Variants in MEGF11 observed in about 807,000 individuals in gnomAD.
MEGF11 encodes multiple epidermal growth factor-like domains protein 11.
A neutral mutation model predicts 146.6 loss-of-function variants in MEGF11; 126 were observed. That is an observed-to-expected ratio of 0.86 (90% confidence interval 0.74 to 1.00). The LOEUF (loss-of-function observed/expected upper bound fraction) is 1.00. Ranked by LOEUF, MEGF11 falls within the 50% of genes least tolerant of loss-of-function variation. The pLI, the probability that MEGF11 is intolerant of heterozygous loss-of-function variation, is 0.00. For synonymous variants in MEGF11, 532 were observed against 583.4 expected (o/e 0.91, Z 1.27); for missense variants, 1,509 against 1,521.2 (o/e 0.99, Z 0.13).
chr15:66,067,861 C>A (rs1013500076), intron 5 of MEGF11, among the ~76,000 whole-genome samples: 1 of 152,176 alleles, frequency 6.6e-6, no homozygotes, highest in Non-Finnish European at 1.5e-5. Flanking sequence ...GACAGCAGGG[C>A]TAAGCATTCC....
At chr15:66,215,723 T>G (rs1348624604) in intron 1 of MEGF11, among the ~76,000 whole-genome samples, 1 of 152,058 alleles carries the variant, frequency 6.6e-6, no homozygotes, top group Non-Finnish European at 1.5e-5. Flanking sequence ...GGATAAACAG[T>G]TCAGTGAATG....
Position 65,913,989 on chromosome 15 carries a change from G to GGGCC in MEGF11, c.2474-20_2474-17dup. The GGGCC allele has an allele frequency of 1.2e-6, 2 of 1,608,552 alleles. No homozygotes were observed. The highest frequency in any genetic ancestry group is 1.7e-4 in the Middle Eastern group (1 of 5,974). On this transcript the variant is annotated splice_polypyrimidine_tract_variant and intron_variant, in intron 19 of 25. Coordinates refer to ENST00000395614, the MANE Select transcript of MEGF11 (RefSeq NM_001385028.1). ...ATGAGGGCAGCTGCGGGCAGAGGGA[G>GGGCC]GGCCTGAGCCTGGGGCTGGCCTTCT... is the stretch of plus-strand genomic sequence containing the variant.
Position 65,922,883 on chromosome 15 carries a change from A to G in MEGF11, c.1762T>C (p.Ser588Pro). The G allele has an allele frequency of 6.2e-7, 1 of 1,613,162 alleles. No individual in the cohort carries two copies. The highest frequency in any genetic ancestry group is 1.1e-5 in the South Asian group (1 of 91,016). The part of the protein sequence containing the change: ...SCSCENGGSC[S>P]PEDGSCECAP... ...CACTCGCAGCTCCCATCCTCTGGGG[A>G]GCAGGAGCCTCCATTCTCACAGCTG... The change falls in exon 14 of 26, where the codon TCC (serine) becomes CCC (proline). Residue 588 changes from serine to proline, a missense_variant. By Grantham distance (74) the Ser-to-Pro change is moderately conservative (BLOSUM62 -1). Coordinates refer to ENST00000395614, the MANE Select transcript of MEGF11 (RefSeq NM_001385028.1).
At chr15:66,039,421 G>A (rs1386300523) in intron 5 of MEGF11, among the ~76,000 whole-genome samples, 1 of 152,184 alleles carries the variant, frequency 6.6e-6, no homozygotes, top group African/African-American at 2.4e-5. Context: ...ACGGGAAGAG[G>A]GAAGAGAGTG....
At chr15:66,208,552 G>A (rs894456089) in intron 1 of MEGF11, among the ~76,000 whole-genome samples, 2 of 152,168 alleles carry the variant, frequency 1.3e-5, no homozygotes, top group Non-Finnish European at 2.9e-5. Flanking sequence ...TCAGAGTTGA[G>A]GGACAGGAGA....
At chr15:66,128,275 A>G in intron 2 of MEGF11, 31 bp downstream of exon 2, 19 of 1,395,088 alleles carry the variant, frequency 1.4e-5, no homozygotes, top group Non-Finnish European at 1.8e-5. Flanking sequence ...TCCCCCAGAG[A>G]GTGCCTGGCC....
chr15:66,011,034 T>G (rs941085795), intron 5 of MEGF11, among the ~76,000 whole-genome samples: 1 of 151,714 alleles, frequency 6.6e-6, no homozygotes, highest in Non-Finnish European at 1.5e-5. Flanking sequence ...CAATACAGGG[T>G]GTGTGTAAAG....
chr15:65,955,792 A>ATATATATG (rs1391789752), intron 10 of MEGF11, among the ~76,000 whole-genome samples: 12 of 20,612 alleles, frequency 5.8e-4, no homozygotes, highest in Admixed American at 5.6e-3. Context: ...ATATATATAT[A>ATATATATG]TACACACACA....
intron 4 of MEGF11, among the ~76,000 whole-genome samples, chr15:66,112,977 A>C (rs557771754): frequency 5.3e-5 from 8 of 152,356 alleles, no homozygotes; most frequent in Non-Finnish European, 1.0e-4. Flanking sequence ...GGAATTAGGA[A>C]ACATAGGAAT....
chr15:65,899,558 C>T (rs1177209113), intron 24 of MEGF11, among the ~76,000 whole-genome samples: 1 of 152,148 alleles, frequency 6.6e-6, no homozygotes, highest in Non-Finnish European at 1.5e-5. Context: ...AGTAGGCATG[C>T]ATGTTTTAGC....
At chr15:66,150,823 C>CGAGAGAGAGAGAGAGAGA (rs66595752) in intron 1 of MEGF11, among the ~76,000 whole-genome samples, 1 of 104,358 alleles carries the variant, frequency 9.6e-6, no homozygotes, top group African/African-American at 3.9e-5. Flanking sequence ...AATGCCCTGT[C>CGAGAGAGAGAGAGAGAGA]GAGAGAGAGA....
chr15:65,957,705 C>T lies in MEGF11; in HGVS notation c.1129G>A (p.Gly377Arg), dbSNP rs148466649. The T allele has an allele frequency of 2.2e-5, 36 of 1,613,660 alleles. No homozygotes were observed. In the African/African-American group the frequency reaches 4.7e-4, roughly 21 times the overall value. ...DNTISCHPVTGACTCQPGWSG... is the reference protein window; with the variant it reads ...DNTISCHPVTRACTCQPGWSG... The stretch of plus-strand genomic sequence containing the variant: ...CAGCCTGGCTGGCAGGTACAAGCTC[C>T]AGTTACTGGGTGGCAGCTGCACAGA... The change falls in exon 10 of 26, where the codon GGA becomes AGA. Residue 377 changes from glycine to arginine, a missense_variant. Transcript: ENST00000395614.
At chr15:66,171,201 A>T (rs2090244806) in intron 1 of MEGF11, among the ~76,000 whole-genome samples, 1 of 152,196 alleles carries the variant, frequency 6.6e-6, no homozygotes. Flanking sequence ...GCAGGATGCC[A>T]TGTCCTGCCA....
In MEGF11 at chr15:66,102,770, G is replaced by C. The variant is rs538754637; in HGVS notation, c.302-8276C>G. On this transcript the variant is annotated intron_variant, in intron 4 of 25. Coordinates refer to ENST00000395614, the MANE Select transcript of MEGF11 (RefSeq NM_001385028.1). ...AACATTTTCTTTAGGTAGACAGGGA[G>C]GGGTCTTGTCCACCTCCCAACTCTA... Among the ~76,000 whole-genome samples the C allele has an allele frequency of 6.6e-5, 10 of 152,278 alleles. 2 individuals carry two copies. The highest frequency in any genetic ancestry group is 2.4e-4 in the African/African-American group (10 of 41,548).
intron 24 of MEGF11, chr15:65,902,053 C>A (rs1338231003): frequency 1.3e-5 from 2 of 152,208 alleles, no homozygotes; most frequent in Non-Finnish European, 2.9e-5. Context: ...TACACCTTAC[C>A]CTTAACAAGG....
chr15:66,210,634 G>A (rs892032892), intron 1 of MEGF11, among the ~76,000 whole-genome samples: 3 of 152,190 alleles, frequency 2.0e-5, no homozygotes, highest in East Asian at 1.9e-4. Context: ...AAGGAAAATC[G>A]ACTGCATTCT....
chr15:65,969,413 T>C (rs1271961328), intron 8 of MEGF11, among the ~76,000 whole-genome samples: 2 of 152,138 alleles, frequency 1.3e-5, no homozygotes, highest in Admixed American at 6.5e-5. Flanking sequence ...CTCTCTCCCA[T>C]GGGTCAGGGA....
chr15:66,022,469 T>C (rs2083181258), intron 5 of MEGF11, among the ~76,000 whole-genome samples: 1 of 152,190 alleles, frequency 6.6e-6, no homozygotes, highest in Admixed American at 6.5e-5. Flanking sequence ...CGTATGACTT[T>C]GTACATAATT....
intron 1 of MEGF11, among the ~76,000 whole-genome samples, chr15:66,138,772 A>C (rs960218024): frequency 2.6e-5 from 4 of 152,218 alleles, no homozygotes; most frequent in Non-Finnish European, 5.9e-5. Context: ...CTGACTCCCA[A>C]GGTTGAGATG....
Sources: allele counts gnomAD v4.1 joint callset (sites outside exome capture counted in the v4.1 genomes callset), GRCh38; gene constraint gnomAD v4.1.1; transcripts MANE v1.5; gene names NCBI Gene and HGNC (gene_info 2026-07-23, HGNC 2026-07-21).